ABHD6: variants seen among roughly 807,000 people sequenced by gnomAD.
ABHD6 encodes abhydrolase domain containing 6, acylglycerol lipase.
In ABHD6, 33 loss-of-function variants were observed where a neutral mutation model predicts 38.8. The ratio of observed to expected loss-of-function variants is 0.85; its 90% CI spans 0.64 to 1.14. ABHD6 has a LOEUF of 1.14. Among genes scored for constraint, ABHD6 ranks in the 50% most tolerant of loss-of-function variants. The pLI is 0.00. For synonymous variants in ABHD6, 147 were observed against 161.6 expected (o/e 0.91, Z 0.69); for missense variants, 380 against 422.6 (o/e 0.90, Z 0.88).
chr3:58,271,015 T>C lies in ABHD6; in HGVS notation c.474T>C (p.Ala158=), dbSNP rs755858197. Residue 158 remains alanine (A), a synonymous_variant, in exon 6 of 10, where the codon GCT becomes GCC. Transcript: ENST00000478253. ...SMGGQVAGVY[A]AYYPSDVSSL... ...GTGGCCAGGTGGCTGGGGTGTATGC[T>C]GCTTACTACCCATCGGATGTCTCCA... The C allele has an allele frequency of 6.2e-7, 1 of 1,612,758 alleles. No individual in the cohort carries two copies. Among genetic ancestry groups the C allele is most frequent in the South Asian group, 1.1e-5 (1 of 90,852 alleles).
At chr3:58,286,846 G>GTATATATATA (rs57921434) in intron 9 of ABHD6, among the ~76,000 whole-genome samples, 13 of 90,218 alleles carry the variant, frequency 1.4e-4, no homozygotes, top group East Asian at 4.7e-4. Context: ...GTGTGTGTGT[G>GTATATATATA]TGTGTGTATA....
rs1553718607 is a variant in ABHD6 at position 58,256,096 on chromosome 3, C to CACACACACACACACAG, written c.-25-453_-25-452insCAGACACACACACACA. ...CCACCAACACACACACACACACACA[C>CACACACACACACACAG]ACACACACACACATACACACACTAC... is the stretch of plus-strand genomic sequence containing the variant. On this transcript the variant is annotated intron_variant, in intron 2 of 9. Transcript: ENST00000478253. The surrounding 1 kb of genome is among the most constrained non-coding windows in gnomAD (Gnocchi z 4.3). 3.2e-4 allele frequency among the ~76,000 whole-genome samples: 47 copies of CACACACACACACACAG among 147,546 alleles called. No individual in the cohort carries two copies. Among genetic ancestry groups the CACACACACACACACAG allele is most frequent in the African/African-American group, 8.6e-4 (35 of 40,598 alleles).
intron 7 of ABHD6, among the ~76,000 whole-genome samples, chr3:58,275,037 G>C (rs116765439): frequency 6.6e-6 from 1 of 152,210 alleles, no homozygotes; most frequent in Non-Finnish European, 1.5e-5. Context: ...ACAGTCCAGT[G>C]GGGGAGGCAG....
rs1443640888 is a variant in ABHD6, at chr3:58,259,859, CAT to C, written c.119+3155_119+3156del. On this transcript the variant is annotated intron_variant, in intron 3 of 9. Coordinates refer to ENST00000478253, the MANE Select transcript of ABHD6 (RefSeq NM_001320126.2). The surrounding 1 kb of genome is among the most constrained non-coding windows in gnomAD (Gnocchi z 4.7). The stretch of plus-strand genomic sequence containing the variant: ...ATCAATCCCAGTTTCTCCCTCACTT[CAT>C]CTTCTGGCAACCACTCATCTACTTC... Among the ~76,000 whole-genome samples the C allele has an allele frequency of 3.9e-5, 6 of 152,232 alleles. No individual in the cohort carries two copies. The highest frequency in any genetic ancestry group is 1.4e-4 in the African/African-American group (6 of 41,468).
chr3:58,247,083 C>CTGCAG (rs2097426943), intron 1 of ABHD6, among the ~76,000 whole-genome samples: 1 of 150,654 alleles, frequency 6.6e-6, no homozygotes, highest in Non-Finnish European at 1.5e-5. Context: ...GTCACCCAGG[C>CTGCAG]TGCAGTGCAG....
intron 7 of ABHD6, among the ~76,000 whole-genome samples, chr3:58,276,860 G>A (rs2097449111): frequency 1.3e-5 from 2 of 152,128 alleles, no homozygotes; most frequent in South Asian, 4.1e-4. Context: ...AGCACCATTT[G>A]TTAAATAGGG....
At chr3:58,252,917 T>C (rs2097430986) in intron 2 of ABHD6, among the ~76,000 whole-genome samples, 1 of 152,212 alleles carries the variant, frequency 6.6e-6, no homozygotes, top group South Asian at 2.1e-4. Context: ...TAGGAATAAA[T>C]TGCCTACCCT....
chr3:58,240,350 A>C (rs1019450457), intron 1 of ABHD6, among the ~76,000 whole-genome samples: 1 of 151,854 alleles, frequency 6.6e-6, no homozygotes, highest in Non-Finnish European at 1.5e-5. Flanking sequence ...AGTAGCTAGA[A>C]CTACAGGTGT....
chr3:58,243,117 A>C (rs1456687175), intron 1 of ABHD6, among the ~76,000 whole-genome samples: 3 of 152,144 alleles, frequency 2.0e-5, no homozygotes, highest in Admixed American at 6.5e-5. Flanking sequence ...AATCCAGTCT[A>C]TCATTGATGG....
intron 9 of ABHD6, among the ~76,000 whole-genome samples, chr3:58,289,740 G>A (rs557823649): frequency 6.6e-6 from 1 of 152,286 alleles, no homozygotes; most frequent in South Asian, 2.1e-4. Context: ...TATTCTCAAT[G>A]AGCTGTTGGG....
chr3:58,275,171 A>T (rs1030267341), intron 7 of ABHD6, among the ~76,000 whole-genome samples: 7 of 152,106 alleles, frequency 4.6e-5, no homozygotes, highest in African/African-American at 1.7e-4. Flanking sequence ...GGGACAGCAT[A>T]TGCAGAGGTG....
chr3:58,290,778 A>T (rs1393798766), intron 9 of ABHD6, among the ~76,000 whole-genome samples: 7 of 146,560 alleles, frequency 4.8e-5, no homozygotes, highest in Non-Finnish European at 7.5e-5. Flanking sequence ...ATCTCAGACA[A>T]TGGGCGGCCG....
chr3:58,283,194 C>G (rs190467901), intron 7 of ABHD6, among the ~76,000 whole-genome samples: 3 of 152,184 alleles, frequency 2.0e-5, no homozygotes, highest in Non-Finnish European at 2.9e-5. Flanking sequence ...ATGTTCCACC[C>G]CTGAAATCCC....
intron 1 of ABHD6, among the ~76,000 whole-genome samples, chr3:58,242,199 G>A (rs1005257870): frequency 6.6e-6 from 1 of 152,100 alleles, no homozygotes; most frequent in African/African-American, 2.4e-5. Context: ...GGGATGGAGG[G>A]CAGGCAATAG....
intron 6 of ABHD6, among the ~76,000 whole-genome samples, chr3:58,272,557 C>T (rs1285316823): frequency 2.6e-5 from 4 of 152,136 alleles, no homozygotes; most frequent in Non-Finnish European, 5.9e-5. Context: ...GTCTTCTCCT[C>T]TCTTTTTTCA....
At chr3:58,292,266 A>G (rs538249791) in intron 9 of ABHD6, among the ~76,000 whole-genome samples, 1 of 152,302 alleles carries the variant, frequency 6.6e-6, no homozygotes, top group South Asian at 2.1e-4. Flanking sequence ...GGTTTTAATA[A>G]TTTGAGTTGG....
chr3:58,251,091 G>A lies in ABHD6; in HGVS notation c.-26+1149G>A, dbSNP rs537324322. ...TCCCAGCACTTTGGGAGGCCGAGGC[G>A]GGGGGGATCACCTGAGGTCAGGAGT... On this transcript the variant is annotated intron_variant, in intron 2 of 9. Transcript: ENST00000478253. The surrounding 1 kb of genome is among the most constrained non-coding windows in gnomAD (Gnocchi z 5.4). Among the ~76,000 whole-genome samples the A allele has an allele frequency of 7.5e-4, 109 of 145,902 alleles. No homozygotes were observed. The highest frequency in any genetic ancestry group is 3.5e-3 in the Middle Eastern group (1 of 286).
chr3:58,280,042 T>A (rs1442819942), intron 7 of ABHD6, among the ~76,000 whole-genome samples: 2 of 152,220 alleles, frequency 1.3e-5, no homozygotes, highest in Non-Finnish European at 2.9e-5. Flanking sequence ...CATTTCAACC[T>A]TGCTGAATCT....
At chr3:58,248,352 T>TA (rs1415907964) in intron 1 of ABHD6, among the ~76,000 whole-genome samples, 1 of 152,220 alleles carries the variant, frequency 6.6e-6, no homozygotes, top group Non-Finnish European at 1.5e-5. Context: ...GTAATACTCT[T>TA]ACGCAAACGT....
Sources: gnomAD v4.1 joint callset for allele counts (sites outside exome capture counted in the v4.1 genomes callset) on GRCh38, gnomAD v4.1.1 for gene constraint, Gnocchi (gnomAD v3.1) non-coding constraint, MANE v1.5 for transcripts, NCBI Gene and HGNC (gene_info 2026-07-23, HGNC 2026-07-21) for gene names.